Variants in SHC2 observed in about 807,000 individuals in gnomAD.
SHC2 encodes the protein SHC-transforming protein 2.
A neutral mutation model predicts 60.6 loss-of-function variants in SHC2; 62 were observed. The observed-to-expected ratio is 1.02, with a 90% CI of 0.83 to 1.26. SHC2 has a LOEUF of 1.26. SHC2 is among the 50% of genes most tolerant of loss of function. SHC2 has a pLI of 0.00. For missense variants in SHC2, 873 were observed against 822.2 expected, an observed-to-expected ratio of 1.06 and a Z score of -0.76; for synonymous variants, 375 against 372.4, an observed-to-expected ratio of 1.01 and a Z score of -0.08.
intron 1 of SHC2, among the ~76,000 whole-genome samples, chr19:455,572 G>C (rs1285636036): frequency 6.6e-6 from 1 of 152,258 alleles, no homozygotes; most frequent in Non-Finnish European, 1.5e-5. Context: ...AGGATTCTGG[G>C]GGGTTCTGCG....
intron 1 of SHC2, among the ~76,000 whole-genome samples, chr19:443,071 GTGGGTGGATGGATGGAGGGTGGATGGA>G (rs1974946306): frequency 7.0e-6 from 1 of 142,436 alleles, no homozygotes; most frequent in African/African-American, 2.6e-5. Context: ...GAGTGGATGG[GTGGGTGGATGGATGGAGGGTGGATGGA>G]TGGACAGATG....
chr19:437,588 C>T (rs1043023028), intron 4 of SHC2, among the ~76,000 whole-genome samples: 4 of 152,110 alleles, frequency 2.6e-5, no homozygotes, highest in African/African-American at 9.7e-5. Flanking sequence ...CCTCAGTATC[C>T]TGTCCATATA....
In SHC2 at chr19:453,139, T is replaced by TGGTC. The variant is rs1294262642; in HGVS notation, c.468+7386_468+7389dup. 3 of 152,138 alleles carry TGGTC rather than the reference T, an allele frequency of 2.0e-5. No homozygotes were observed. The highest frequency in any genetic ancestry group is 7.2e-5 in the African/African-American group (3 of 41,418). The allele number at this position is 152,138 out of a possible 1,614,324, so 9.4% of individuals were successfully genotyped here. A position where few individuals can be genotyped will look rare whatever the true frequency, so the allele number is the denominator to read the frequency against. ...CGGCACAGAAAGATGGGAGAGACTG[T>TGGTC]GGTCACACCGTCCTGAAAACAGCCC... On this transcript the variant is annotated intron_variant, in intron 1 of 12. Transcript: ENST00000264554. This position sits in a 1 kb window ranked among gnomAD's most constrained non-coding sequence, Gnocchi z 6.3.
intron 7 of SHC2, among the ~76,000 whole-genome samples, chr19:435,445 A>T (rs1428521241): frequency 6.6e-6 from 1 of 152,256 alleles, no homozygotes; most frequent in East Asian, 1.9e-4. Context: ...TGCATCAAGC[A>T]CGCTGTCCCC....
chr19:422,755 T>C lies in SHC2; in HGVS notation c.1310-299A>G, dbSNP rs576134079. On this transcript the variant is annotated intron_variant, in intron 10 of 12. Transcript: ENST00000264554. This position sits in a 1 kb window ranked among gnomAD's most constrained non-coding sequence, Gnocchi z 5.0. ...TAACTCCTATTTCTTTTTCCTGCCT[T>C]GTCAGGTGGGCTTCCTTCCCAAAGC... The C allele has an allele frequency of 2.4e-3, 715 of 298,658 alleles. 6 individuals carry two copies. The highest frequency in any genetic ancestry group is 0.014 in the African/African-American group (658 of 46,260). 18.5% of individuals were successfully genotyped at this position (298,658 alleles called of 1,614,324 possible). A position where few individuals can be genotyped will look rare whatever the true frequency, so the allele number is the denominator to read the frequency against.
At position 460,511 on chromosome 19, in the gene SHC2, G is replaced by A. The variant is rs910021936; in HGVS notation, c.468+18C>T. 3.2e-6 allele frequency: 4 copies of A among 1,234,216 alleles called. No individual in the cohort carries two copies. The South Asian group carries it at 6.4e-5, about 20-fold the overall frequency. The allele number at this position is 1,234,216 out of a possible 1,614,324, so 76.5% of individuals were successfully genotyped here. A position where few individuals can be genotyped will look rare whatever the true frequency, so the allele number is the denominator to read the frequency against. ...GGCCGCCGCGAACGGGCTCCCGGGG[G>A]GGGTGGGGGGGACTCACCCGCACGA... On this transcript the variant is annotated intron_variant, in intron 1 of 12. Transcript: ENST00000264554.
intron 11 of SHC2, among the ~76,000 whole-genome samples, chr19:420,957 G>C (rs987971125): frequency 6.6e-6 from 1 of 152,132 alleles, no homozygotes; most frequent in Non-Finnish European, 1.5e-5. Context: ...GGCTGAGGCA[G>C]GAGAATCGCT....
chr19:430,383 T>G (rs1349077216), intron 9 of SHC2, among the ~76,000 whole-genome samples: 1 of 143,152 alleles, frequency 7.0e-6, no homozygotes, highest in Non-Finnish European at 1.5e-5. Context: ...AGTACCTATA[T>G]CCAACATGCA....
At position 425,462 on chromosome 19, in the gene SHC2, A is replaced by G. The variant is rs1974392480; in HGVS notation, c.1175-231T>C. 6.6e-6 allele frequency among the ~76,000 whole-genome samples: 1 copy of G among 152,178 alleles called. No individual in the cohort carries two copies. Among genetic ancestry groups the G allele is most frequent in the East Asian group, 1.9e-4 (1 of 5,190 alleles). The stretch of plus-strand genomic sequence containing the variant: ...CTCCAACCAGGGACAAGAGTGGGGC[A>G]GCGTGCGGCTGGGGCTGTGGGCACC... On this transcript the variant is annotated intron_variant, in intron 9 of 12. Transcript: ENST00000264554. This position sits in a 1 kb window ranked among gnomAD's most constrained non-coding sequence, Gnocchi z 4.1.
rs75321065 is a variant in SHC2, at chr19:436,053, G to A, written c.953+112C>T. On this transcript the variant is annotated intron_variant, in intron 7 of 12. Transcript: ENST00000264554. ...AGCCATATTCTCACGGGACAGGGAGGGAGGGACAAGGGCAGGACGGAGGCT... is the reference window on the plus strand; with the variant it reads ...AGCCATATTCTCACGGGACAGGGAGAGAGGGACAAGGGCAGGACGGAGGCT... The A allele has an allele frequency of 1.0e-3, 1,230 of 1,182,180 alleles. 9 individuals carry two copies. The African/African-American group carries it at 0.016, about 15-fold the overall frequency. 73.2% of individuals were successfully genotyped at this position (1,182,180 alleles called of 1,614,324 possible). A position where few individuals can be genotyped will look rare whatever the true frequency, so the allele number is the denominator to read the frequency against.
intron 1 of SHC2, among the ~76,000 whole-genome samples, chr19:456,831 C>T (rs1231112830): frequency 6.2e-5 from 6 of 97,560 alleles, no homozygotes; most frequent in African/African-American, 1.0e-4. Flanking sequence ...TGTGCCCCTG[C>T]CTGGAACTCT....
intron 1 of SHC2, among the ~76,000 whole-genome samples, chr19:442,180 G>A (rs1015250438): frequency 3.3e-5 from 5 of 152,300 alleles, no homozygotes; most frequent in Admixed American, 2.6e-4. Context: ...TGGATGGACT[G>A]ACAGAAAGAT....
chr19:438,928 A>ACT lies in SHC2; in HGVS notation c.600+40_600+41dup, dbSNP rs1249224492. On this transcript the variant is annotated intron_variant, in intron 3 of 12. Coordinates refer to ENST00000264554, the MANE Select transcript of SHC2 (RefSeq NM_012435.3). This position sits in a 1 kb window ranked among gnomAD's most constrained non-coding sequence, Gnocchi z 5.0. ...GGCCGCAGCGTCCCCACAGCCCCCG[A>ACT]CTGCCCCACCAGCCCCACGAGAGAC... is the stretch of plus-strand genomic sequence containing the variant. 1 of 1,563,290 alleles carries ACT rather than the reference A, an allele frequency of 6.4e-7. No individual in the cohort carries two copies. The highest frequency in any genetic ancestry group is 8.7e-7 in the Non-Finnish European group (1 of 1,150,808).
At chr19:439,918 G>C (rs1974820970) in intron 2 of SHC2, among the ~76,000 whole-genome samples, 1 of 151,698 alleles carries the variant, frequency 6.6e-6, no homozygotes, top group South Asian at 2.1e-4. Flanking sequence ...CCCAGCTACT[G>C]GGGAGGCTGA....
At position 460,712 on chromosome 19, in the gene SHC2, C is replaced by G. The variant is rs1378896764; in HGVS notation, c.285G>C (p.Ala95=). The G allele has an allele frequency of 1.0e-6, 1 of 1,000,590 alleles. No homozygotes were observed. Among genetic ancestry groups the G allele is most frequent in the Non-Finnish European group, 1.2e-6 (1 of 843,504 alleles). The allele number at this position is 1,000,590 out of a possible 1,614,324, so 62.0% of individuals were successfully genotyped here. A position where few individuals can be genotyped will look rare whatever the true frequency, so the allele number is the denominator to read the frequency against. Residue 95 remains alanine, a synonymous_variant, in exon 1 of 13, where the codon GCG becomes GCC. Coordinates refer to ENST00000264554, the MANE Select transcript of SHC2 (RefSeq NM_012435.3). ...ACCCCGCGCCCCGACAGCGGCTGAG[C>G]GCGGGCAGGGGACAGGGCGCGGCGC... is the stretch of plus-strand genomic sequence containing the variant. ...PRCAAPCPLP[A]LSRCRGAGSR... is the part of the protein sequence containing the mutation.
At chr19:435,503 G>A (rs563128276) in intron 7 of SHC2, among the ~76,000 whole-genome samples, 2 of 152,360 alleles carry the variant, frequency 1.3e-5, no homozygotes, top group African/African-American at 4.8e-5. Flanking sequence ...CGCCTCCCTC[G>A]TGACCAGCAG....
chr19:445,972 T>G lies in SHC2; in HGVS notation c.469-5040A>C, dbSNP rs1975041291. ...TGGGAGGCTGAGGCAGGAGAATCAT[T>G]TGAACCCAGGAGGCGGAGGCTGCAG... On this transcript the variant is annotated intron_variant, in intron 1 of 12. Coordinates refer to ENST00000264554, the MANE Select transcript of SHC2 (RefSeq NM_012435.3). The surrounding 1 kb of genome is among the most constrained non-coding windows in gnomAD (Gnocchi z 4.4). Among the ~76,000 whole-genome samples, 2 of 151,946 alleles carry G rather than the reference T, an allele frequency of 1.3e-5. No homozygotes were observed. Among genetic ancestry groups the G allele is most frequent in the Admixed American group, 6.6e-5 (1 of 15,266 alleles).
intron 9 of SHC2, among the ~76,000 whole-genome samples, chr19:426,992 C>T (rs1974432864): frequency 6.6e-6 from 1 of 152,186 alleles, no homozygotes; most frequent in Non-Finnish European, 1.5e-5. Context: ...CAAGTGAGAA[C>T]AGCCCGGGTG....
rs759450761 is a variant in SHC2, at chr19:418,927, C to T, written c.*1G>A. On this transcript the variant is annotated 3_prime_UTR_variant, in exon 12 of 13. Coordinates refer to ENST00000264554, the MANE Select transcript of SHC2 (RefSeq NM_012435.3). ...CCCACGGCGGCAGCCACACACCTGGCTCAGGGCTCCCGTGAGACCACGCCA... is the reference window on the plus strand; with the variant it reads ...CCCACGGCGGCAGCCACACACCTGGTTCAGGGCTCCCGTGAGACCACGCCA... The T allele has an allele frequency of 1.2e-5, 19 of 1,584,904 alleles. 1 individual carries two copies. The African/African-American group carries it at 1.3e-4, about 11-fold the overall frequency.
Sources: allele counts gnomAD v4.1 joint callset (sites outside exome capture counted in the v4.1 genomes callset), GRCh38; gene constraint gnomAD v4.1.1; non-coding constraint Gnocchi (gnomAD v3.1); transcripts MANE v1.5; gene names NCBI Gene and HGNC (gene_info 2026-07-23, HGNC 2026-07-21).